The following RGPD2 variants were observed in gnomAD, a reference collection of about 807,000 sequenced individuals.
The protein encoded by RGPD2 is RANBP2-like and GRIP domain-containing protein 2.
In RGPD2, 2 loss-of-function variants were observed where a neutral mutation model predicts 36.0. The ratio of observed to expected loss-of-function variants is 0.06; its 90% CI spans 0.02 to 0.17. The LOEUF (loss-of-function observed/expected upper bound fraction) is 0.17, where lower values mean the gene tolerates loss of function less well. Among genes scored for constraint, RGPD2 ranks in the 10% least tolerant of loss-of-function variants. The probability of loss-of-function intolerance (pLI) is 1.00; values close to 1 mark genes in which losing one functional copy is unlikely to be tolerated. For missense variants in RGPD2, 40 were observed against 464.3 expected (o/e 0.09, Z 8.40); for synonymous variants, 19 against 163.8 (o/e 0.12, Z 6.75).
the RGPD2 span, among the ~76,000 whole-genome samples, chr2:87,940,632 TTG>T: frequency 0.011 from 1,458 of 128,598 alleles, 4 homozygotes; most frequent in African/African-American, 0.034. Flanking sequence ...AATTTTCTGT[TTG>T]TGTGTGTGTG....
the RGPD2 span, among the ~76,000 whole-genome samples, chr2:87,840,308 A>G: frequency 1.5e-5 from 2 of 132,370 alleles, no homozygotes; most frequent in Non-Finnish European, 3.2e-5. Context: ...AGAGGCTAGA[A>G]GAGGCAAGAA....
chr2:87,961,401 C>T, the RGPD2 span, among the ~76,000 whole-genome samples: 7 of 151,768 alleles, frequency 4.6e-5, no homozygotes, highest in Admixed American at 6.6e-5. Context: ...GCACCCTGTG[C>T]TCTGAGGGTG....
At chr2:87,930,686 T>C in the RGPD2 span, among the ~76,000 whole-genome samples, 1 of 151,118 alleles carries the variant, frequency 6.6e-6, no homozygotes, top group Admixed American at 6.6e-5. Context: ...TTTCAATTCC[T>C]CTGATCCTGG....
chr2:87,973,234 G>A, the RGPD2 span, among the ~76,000 whole-genome samples: 1 of 150,862 alleles, frequency 6.6e-6, no homozygotes, highest in Non-Finnish European at 1.5e-5. Flanking sequence ...TCAGGAGGGT[G>A]AGCCTGGGGC....
chr2:87,790,017 TACA>T (rs1334693897), intron 17 of RGPD2, among the ~76,000 whole-genome samples: 1 of 151,834 alleles, frequency 6.6e-6, no homozygotes, highest in Admixed American at 6.6e-5. Context: ...CCCTAGAACC[TACA>T]AAATGTCCCC....
the RGPD2 span, among the ~76,000 whole-genome samples, chr2:87,939,397 C>T: frequency 6.6e-6 from 1 of 151,966 alleles, no homozygotes; most frequent in Non-Finnish European, 1.5e-5. Flanking sequence ...AAGTAGTAAG[C>T]TTTTCTGAAG....
the RGPD2 span, among the ~76,000 whole-genome samples, chr2:87,973,708 AAAAG>A: frequency 6.8e-6 from 1 of 147,430 alleles, no homozygotes; most frequent in Non-Finnish European, 1.5e-5. Flanking sequence ...AAAAAAAAAA[AAAAG>A]AGTGTGGGCT....
chr2:87,944,707 C>T, the RGPD2 span, among the ~76,000 whole-genome samples: 27 of 121,750 alleles, frequency 2.2e-4, 1 homozygote, highest in South Asian at 6.8e-3. Flanking sequence ...ACATTTCTCA[C>T]TACATGTCTT....
the RGPD2 span, among the ~76,000 whole-genome samples, chr2:87,934,142 AT>A: frequency 8.5e-6 from 1 of 118,056 alleles, no homozygotes; most frequent in African/African-American, 4.0e-5. Context: ...CCATTTAAAA[AT>A]AAAACCATTC....
the RGPD2 span, among the ~76,000 whole-genome samples, chr2:87,882,562 A>T: frequency 6.6e-6 from 1 of 152,178 alleles, no homozygotes; most frequent in African/African-American, 2.4e-5. Context: ...TTTGGTCAAG[A>T]TTGCTTTGAG....
chr2:87,962,397 T>C, the RGPD2 span, among the ~76,000 whole-genome samples: 1 of 150,852 alleles, frequency 6.6e-6, no homozygotes, highest in East Asian at 2.0e-4. Context: ...TAAATTTTGA[T>C]ATAATGAACA....
chr2:87,805,797 T>C (rs1339554020), intron 7 of RGPD2, among the ~76,000 whole-genome samples: 1 of 151,510 alleles, frequency 6.6e-6, no homozygotes, highest in East Asian at 1.9e-4. Context: ...GAGGTGGAGC[T>C]TGCAGTGAGC....
At chr2:87,973,242 G>T in the RGPD2 span, among the ~76,000 whole-genome samples, 1 of 150,202 alleles carries the variant, frequency 6.7e-6, no homozygotes, top group Non-Finnish European at 1.5e-5. Context: ...GTGAGCCTGG[G>T]GCAGGGGTGA....
chr2:87,853,676 A>G, the RGPD2 span, among the ~76,000 whole-genome samples: 1 of 150,922 alleles, frequency 6.6e-6, no homozygotes, highest in Non-Finnish European at 1.5e-5. Context: ...TTATTGATGA[A>G]ATTGGTATCA....
At chr2:87,952,527 G>A in the RGPD2 span, among the ~76,000 whole-genome samples, 1 of 152,190 alleles carries the variant, frequency 6.6e-6, no homozygotes, top group African/African-American at 2.4e-5. Flanking sequence ...TATGTAATTT[G>A]TAAATGATTT....
At chr2:87,884,491 T>C in the RGPD2 span, among the ~76,000 whole-genome samples, 1 of 151,448 alleles carries the variant, frequency 6.6e-6, no homozygotes, top group Non-Finnish European at 1.5e-5. Flanking sequence ...AAAATAGAAA[T>C]AAAGAGAATA....
chr2:87,809,451 G>A (rs1490320845), intron 6 of RGPD2, among the ~76,000 whole-genome samples: 3 of 140,590 alleles, frequency 2.1e-5, no homozygotes, highest in African/African-American at 5.2e-5. Flanking sequence ...GGCAGATCAC[G>A]AGGTCAGGAG....
chr2:87,988,665 C>T, the RGPD2 span, among the ~76,000 whole-genome samples: 2 of 151,110 alleles, frequency 1.3e-5, no homozygotes, highest in African/African-American at 2.4e-5. Flanking sequence ...CTCAGACTCC[C>T]AAGTAGCTGA....
the RGPD2 span, among the ~76,000 whole-genome samples, chr2:87,853,040 T>C: frequency 6.6e-6 from 1 of 152,260 alleles, no homozygotes; most frequent in Non-Finnish European, 1.5e-5. Flanking sequence ...TAAATACTGG[T>C]TGAGTTAATG....
Sources: gnomAD v4.1 joint callset for allele counts (sites outside exome capture counted in the v4.1 genomes callset) on GRCh38, gnomAD v4.1.1 for gene constraint, MANE v1.5 for transcripts, NCBI Gene and HGNC (gene_info 2026-07-23, HGNC 2026-07-21) for gene names.